The following LMLN variants were observed in gnomAD, a reference collection of about 807,000 sequenced individuals.
LMLN encodes leishmanolysin like peptidase.
LMLN carries 70 observed loss-of-function variants against 92.3 expected under a neutral mutation model. That is an observed-to-expected ratio of 0.76 (90% CI 0.63 to 0.92). The LOEUF is 0.92. LMLN is among the 40% of genes least tolerant of loss of function. LMLN has a pLI of 0.00. For missense variants in LMLN, 691 were observed against 814.6 expected, an observed-to-expected ratio of 0.85 and a Z score of 1.85; for synonymous variants, 308 against 296.2, an observed-to-expected ratio of 1.04 and a Z score of -0.41.
chr3:197,975,127 A>G (rs2109856225), intron 3 of LMLN, 55 bp downstream of exon 3: 1 of 982,168 alleles, frequency 1.0e-6, no homozygotes, highest in East Asian at 2.4e-5. Flanking sequence ...TATTGCATGG[A>G]AATTCTACTT....
chr3:198,033,964 A>G (rs1217746390), intron 14 of LMLN, among the ~76,000 whole-genome samples: 3 of 152,190 alleles, frequency 2.0e-5, no homozygotes, highest in East Asian at 1.9e-4. Context: ...ATATATTTCA[A>G]CTTAACTGAT....
chr3:197,989,203 C>T (rs1179070846), intron 8 of LMLN, among the ~76,000 whole-genome samples: 1 of 152,174 alleles, frequency 6.6e-6, no homozygotes, highest in Non-Finnish European at 1.5e-5. Context: ...GGCATGGAAA[C>T]GCACCACACC....
At position 198,035,852 on chromosome 3, in the gene LMLN, G is replaced by T. The variant is rs972180532; in HGVS notation, c.1676G>T (p.Gly559Val). 1.9e-6 allele frequency: 3 copies of T among 1,613,632 alleles called. No individual in the cohort carries two copies. In the African/African-American group the frequency reaches 4.0e-5, roughly 22 times the overall value. ...TTGAAGGTTTCTTGTTCTCCTCAAGGTCTGAAAGTTTGGGTCCAAGATACT... is the reference window on the plus strand; with the variant it reads ...TTGAAGGTTTCTTGTTCTCCTCAAGTTCTGAAAGTTTGGGTCCAAGATACT... Residue 559 changes from glycine to valine, a missense_variant, in exon 15 of 16, where the codon GGT (glycine) becomes GTT (valine). Around this residue, in one of 4 missense-constraint regions of LMLN, gnomAD observed 352 missense variants for 443.6 expected, o/e 0.79. Transcript: ENST00000330198.
chr3:197,986,073 TGTAA>T (rs1429391974), intron 8 of LMLN, among the ~76,000 whole-genome samples, 183 bp downstream of exon 8: 1 of 152,144 alleles, frequency 6.6e-6, no homozygotes, highest in Admixed American at 6.5e-5. Context: ...ACTTGTGAGA[TGTAA>T]GTGAGGAGGA....
intron 14 of LMLN, among the ~76,000 whole-genome samples, chr3:198,028,269 C>T (rs973176313): frequency 5.9e-5 from 9 of 151,822 alleles, no homozygotes; most frequent in East Asian, 1.9e-4. Flanking sequence ...TTCGATGAAC[C>T]GACATCATCA....
chr3:197,980,417 A>T, exon 6 of LMLN: 1 of 1,610,366 alleles, frequency 6.2e-7, no homozygotes, highest in Non-Finnish European at 8.5e-7. Flanking sequence ...TTTGTTCTTT[A>T]CGTTGGTGCT....
intron 8 of LMLN, among the ~76,000 whole-genome samples, chr3:197,988,481 C>CTTTTTT (rs67505779): frequency 1.7e-4 from 7 of 42,024 alleles, no homozygotes; most frequent in African/African-American, 4.0e-4. Context: ...GGATTTACCC[C>CTTTTTT]TTTTTTTTTT....
rs1410058220 is a variant in LMLN, at chr3:197,991,404, C to T, written c.1047+728C>T. Reference sequence around the variant, plus strand: ...TACAGACATGAGTCACCACACTTGGCCAAGAGGTAACTTTTGAGGATTTGG... The same window carrying T: ...TACAGACATGAGTCACCACACTTGGTCAAGAGGTAACTTTTGAGGATTTGG... On this transcript the variant is annotated intron_variant, in intron 9 of 15. Coordinates refer to ENST00000330198, the Ensembl canonical transcript of LMLN. Among the ~76,000 whole-genome samples the T allele has an allele frequency of 2.0e-5, 3 of 152,132 alleles. No homozygotes were observed. In the East Asian group the frequency reaches 5.8e-4, roughly 30 times the overall value.
chr3:198,027,417 A>G (rs749676786), intron 14 of LMLN, among the ~76,000 whole-genome samples: 5 of 152,112 alleles, frequency 3.3e-5, no homozygotes, highest in Non-Finnish European at 7.4e-5. Context: ...AACTGTTTTT[A>G]CGTGTATAGT....
intron 1 of LMLN, among the ~76,000 whole-genome samples, chr3:197,964,056 G>GA (rs1720979855): frequency 6.6e-6 from 1 of 152,274 alleles, no homozygotes; most frequent in Admixed American, 6.5e-5. Flanking sequence ...CTCACTTTAT[G>GA]AACTGTTATG....
intron 14 of LMLN, among the ~76,000 whole-genome samples, chr3:198,028,032 A>G (rs536734644): frequency 5.3e-5 from 8 of 152,296 alleles, no homozygotes; most frequent in Admixed American, 4.6e-4. Context: ...TAGGTTCACA[A>G]CAAATTTAAG....
At chr3:197,975,208 T>G in intron 3 of LMLN, 136 bp downstream of exon 3, 1 of 531,760 alleles carries the variant, frequency 1.9e-6, no homozygotes, top group East Asian at 3.1e-5. Flanking sequence ...TGCTGATCAT[T>G]TCACAAAAGG....
chr3:198,021,750 A>C, intron 13 of LMLN, 145 bp downstream of exon 14: 1 of 638,158 alleles, frequency 1.6e-6, no homozygotes, highest in Non-Finnish European at 2.6e-6. Context: ...GTAAGAAGTG[A>C]CTTAACTTTT....
At chr3:197,983,747 T>C (rs567929715) in intron 6 of LMLN, among the ~76,000 whole-genome samples, 196 bp from the exon 7 acceptor site, 36 of 152,032 alleles carry the variant, frequency 2.4e-4, no homozygotes, top group Non-Finnish European at 4.4e-4. Flanking sequence ...TGTCCTTTTG[T>C]GGAAACAGGG....
chr3:197,972,387 G>T (rs1721254786), intron 1 of LMLN, among the ~76,000 whole-genome samples: 1 of 152,008 alleles, frequency 6.6e-6, no homozygotes, highest in Non-Finnish European at 1.5e-5. Context: ...CATTTTAATT[G>T]TTATACTTTT....
intron 14 of LMLN, among the ~76,000 whole-genome samples, chr3:198,029,046 C>A (rs185471580): frequency 2.0e-4 from 31 of 152,282 alleles, no homozygotes; most frequent in African/African-American, 7.5e-4. Flanking sequence ...AGTTTAGGAG[C>A]CCTCTCTCAA....
At chr3:198,014,218 T>C (rs1333397978) in intron 11 of LMLN, among the ~76,000 whole-genome samples, 320 of 94,316 alleles carry the variant, frequency 3.4e-3, no homozygotes, top group Middle Eastern at 0.014. Flanking sequence ...TCAGAGCCCC[T>C]TAACTAGTCT....
intron 13 of LMLN, 130 bp downstream of exon 14, chr3:198,021,735 C>A: frequency 1.4e-6 from 1 of 699,792 alleles, no homozygotes. Flanking sequence ...AGCTGCTATC[C>A]ATATGTAAGA....
Position 198,013,633 on chromosome 3 carries a change from G to C in LMLN, c.1233-5620G>C, listed in dbSNP as rs1452959279. Among the ~76,000 whole-genome samples, 6 of 127,084 alleles carry C rather than the reference G, an allele frequency of 4.7e-5. No homozygotes were observed. In the East Asian group the frequency reaches 1.3e-3, roughly 27 times the overall value. The allele number at this position is 127,084 out of a possible 152,430, so 83.4% of individuals were successfully genotyped here. On this transcript the variant is annotated intron_variant, in intron 11 of 15. Transcript: ENST00000330198. ...TGTACCCTTCAGAGCCTCCTAACTAGTCTGACTTCTCTCCACCCTTCAGAG... is the reference window on the plus strand; with the variant it reads ...TGTACCCTTCAGAGCCTCCTAACTACTCTGACTTCTCTCCACCCTTCAGAG...
Sources: gnomAD v4.1 joint callset for allele counts (sites outside exome capture counted in the v4.1 genomes callset) on GRCh38, gnomAD v4.1.1 for gene constraint, gnomAD v4.1.1 regional missense constraint, MANE v1.5 for transcripts, NCBI Gene and HGNC (gene_info 2026-07-23, HGNC 2026-07-21) for gene names.